REST: variants seen among roughly 807,000 people sequenced by gnomAD.
The protein encoded by REST is RE1-silencing transcription factor.
REST carries 1 observed loss-of-function variant against 30.4 expected under a neutral mutation model. The observed-to-expected ratio is 0.03, with a 90% CI of 0.01 to 0.16. REST has a LOEUF of 0.16. Ranked by LOEUF, REST falls within the 10% of genes least tolerant of loss-of-function variation. The pLI, the probability that REST is intolerant of heterozygous loss-of-function variation, is 1.00. For synonymous variants in REST, 504 were observed against 451.1 expected (o/e 1.12, Z -1.49); for missense variants, 1,259 against 1,329.5 (o/e 0.95, Z 0.82).
rs1339220449 is a variant in REST at position 56,934,712 on chromosome 4, C to T, written c.*2560C>T. On this transcript the variant is annotated 3_prime_UTR_variant, in exon 4 of 4. Coordinates refer to ENST00000309042, the MANE Select transcript of REST (RefSeq NM_005612.5). ...TGAAACTTTTTTATTTTCTAGTCCC[C>T]CTCCCCCACACTGGATAGAATTTAG... 2.0e-5 allele frequency: 3 copies of T among 151,976 alleles called. No individual in the cohort carries two copies. The highest frequency in any genetic ancestry group is 2.9e-5 in the Non-Finnish European group (2 of 67,964). 9.4% of individuals were successfully genotyped at this position (151,976 alleles called of 1,614,324 possible). A position where few individuals can be genotyped will look rare whatever the true frequency, so the allele number is the denominator to read the frequency against.
chr4:56,930,867 T>G lies in REST; in HGVS notation c.2009T>G (p.Val670Gly), dbSNP rs1264491491. 1 of 1,613,628 alleles carries G rather than the reference T, an allele frequency of 6.2e-7. No individual in the cohort carries two copies. The highest frequency in any genetic ancestry group is 8.5e-7 in the Non-Finnish European group (1 of 1,179,838). The change falls in exon 4 of 4, where the codon GTG becomes GGG. Residue 670 changes from valine (V) to glycine (G), a missense_variant. Transcript: ENST00000309042. ...GCTCAGAAGGAGCTGCTGCCTCCCGTGGAGCCTGCTCAGATGGTGGGTGCC... is the reference window on the plus strand; with the variant it reads ...GCTCAGAAGGAGCTGCTGCCTCCCGGGGAGCCTGCTCAGATGGTGGGTGCC... ...GPAQKELLPPVEPAQMVGAQI... is the reference protein window; with the variant it reads ...GPAQKELLPPGEPAQMVGAQI...
At chr4:56,908,245 A>T (rs1432893150) in intron 1 of REST, 32 bp downstream of exon 1, 28 of 133,136 alleles carry the variant, frequency 2.1e-4, no homozygotes, top group East Asian at 5.5e-4. Context: ...GGGCTCGGTC[A>T]GGGTGGGGGA....
intron 1 of REST, among the ~76,000 whole-genome samples, chr4:56,910,017 T>G (rs2109520965): frequency 6.6e-6 from 1 of 152,382 alleles, no homozygotes; most frequent in East Asian, 1.9e-4. Context: ...TTTTTTCTTT[T>G]AAGCCTGTGG....
rs1157219538 is a variant in REST at position 56,935,077 on chromosome 4, C to T, written c.*2925C>T. 6.7e-6 allele frequency: 1 copy of T among 150,116 alleles called. No individual in the cohort carries two copies. The highest frequency in any genetic ancestry group is 1.9e-4 in the East Asian group (1 of 5,164). The allele number at this position is 150,116 out of a possible 1,614,324, so 9.3% of individuals were successfully genotyped here. A position where few individuals can be genotyped will look rare whatever the true frequency, so the allele number is the denominator to read the frequency against. On this transcript the variant is annotated 3_prime_UTR_variant, in exon 4 of 4. Transcript: ENST00000309042. ...TTTTGCTCTAGTCTTCTAAGAAGGG[C>T]CATTTTATTTTTTAGAGTCACTTCT...
In REST at chr4:56,930,181, T is replaced by C. The variant is rs1199347441; in HGVS notation, c.1323T>C (p.Ile441=). ...KKREADLPDN[I]TNEKTEIEQT... ...GAGAGGCTGACTTGCCTGATAATAT[T>C]ACCAATGAAAAAACAGAAATAGAAC... Residue 441 remains isoleucine, a synonymous_variant, in exon 4 of 4, where the codon ATT becomes ATC. Coordinates refer to ENST00000309042, the MANE Select transcript of REST (RefSeq NM_005612.5). 7 of 1,609,360 alleles carry C rather than the reference T, an allele frequency of 4.3e-6. No homozygotes were observed. The highest frequency in any genetic ancestry group is 5.9e-6 in the Non-Finnish European group (7 of 1,179,022).
chr4:56,928,633 T>C (rs1372097232), intron 3 of REST, among the ~76,000 whole-genome samples: 1 of 151,106 alleles, frequency 6.6e-6, no homozygotes, highest in Non-Finnish European at 1.5e-5. Context: ...TCGCCCAGGC[T>C]GAAGTGAAGT....
intron 3 of REST, among the ~76,000 whole-genome samples, chr4:56,922,801 G>T (rs573432648): frequency 6.6e-6 from 1 of 152,094 alleles, no homozygotes; most frequent in Non-Finnish European, 1.5e-5. Flanking sequence ...CTTTTCTTCT[G>T]TCCTTTGTAT....
chr4:56,920,370 T>C (rs555747095), intron 3 of REST, among the ~76,000 whole-genome samples: 1 of 150,162 alleles, frequency 6.7e-6, no homozygotes, highest in South Asian at 2.1e-4. Context: ...ATAGACAATC[T>C]AGGATGCCAA....
rs939583284 is a variant in REST at position 56,932,972 on chromosome 4, G to C, written c.*820G>C. ...AGTTTTCTTTTTCTTTGCTGCAGTT[G>C]TCTATTTTGCAGAATAATAGTGTGT... On this transcript the variant is annotated 3_prime_UTR_variant, in exon 4 of 4. Coordinates refer to ENST00000309042, the MANE Select transcript of REST (RefSeq NM_005612.5). The C allele has an allele frequency of 4.6e-5, 7 of 152,054 alleles. No individual in the cohort carries two copies. The highest frequency in any genetic ancestry group is 1.7e-4 in the African/African-American group (7 of 41,398). 9.4% of individuals were successfully genotyped at this position (152,054 alleles called of 1,614,324 possible).
chr4:56,926,870 G>A lies in REST; in HGVS notation c.983-2971G>A, dbSNP rs1306756845. Among the ~76,000 whole-genome samples, 8 of 152,026 alleles carry A rather than the reference G, an allele frequency of 5.3e-5. No individual in the cohort carries two copies. The East Asian group carries it at 1.4e-3, about 26-fold the overall frequency. On this transcript the variant is annotated intron_variant, in intron 3 of 3. Coordinates refer to ENST00000309042, the MANE Select transcript of REST (RefSeq NM_005612.5). ...CCAGCACTTTGGGAGGCCGAGGAGGGTGGATCACCTGAGATCAGGAGTTCG... is the reference window on the plus strand; with the variant it reads ...CCAGCACTTTGGGAGGCCGAGGAGGATGGATCACCTGAGATCAGGAGTTCG...
chr4:56,931,471 T>C lies in REST; in HGVS notation c.2613T>C (p.Asn871=). ...CATCACCACCACTGCCAAAGGAAAATTTAAGAGAAGAGGCATCAGGAGACC... is the reference window on the plus strand; with the variant it reads ...CATCACCACCACTGCCAAAGGAAAACTTAAGAGAAGAGGCATCAGGAGACC... ...SPPSPPLPKE[N]LREEASGDQK... The change falls in exon 4 of 4, where the codon AAT becomes AAC. Residue 871 remains asparagine (N), a synonymous_variant. Transcript: ENST00000309042. 6.2e-7 allele frequency: 1 copy of C among 1,614,038 alleles called. No homozygotes were observed. Among genetic ancestry groups the C allele is most frequent in the Non-Finnish European group, 8.5e-7 (1 of 1,179,998 alleles).
intron 3 of REST, among the ~76,000 whole-genome samples, chr4:56,920,579 A>G (rs577704680): frequency 1.1e-4 from 16 of 152,044 alleles, no homozygotes; most frequent in Admixed American, 5.2e-4. Flanking sequence ...CCTGACCAAC[A>G]TGGAGAAATC....
At chr4:56,924,227 A>G (rs887501376) in intron 3 of REST, among the ~76,000 whole-genome samples, 9 of 152,202 alleles carry the variant, frequency 5.9e-5, no homozygotes, top group Non-Finnish European at 1.0e-4. Context: ...GGATTGTTTG[A>G]AAGATATTGT....
chr4:56,922,734 C>T (rs1044764688), intron 3 of REST, among the ~76,000 whole-genome samples: 1 of 152,066 alleles, frequency 6.6e-6, no homozygotes, highest in South Asian at 2.1e-4. Context: ...ACCTTTTTTC[C>T]TGTAGAATGT....
rs895320966 is a variant in REST, at chr4:56,926,112, T to A, written c.983-3729T>A. ...TCTCACCCTGTCGTCCAGGCTGGAG[T>A]GCAATGGCACGATTTCAGCTCACTG... On this transcript the variant is annotated intron_variant, in intron 3 of 3. Transcript: ENST00000309042. Among the ~76,000 whole-genome samples the A allele has an allele frequency of 3.3e-5, 5 of 152,210 alleles. No homozygotes were observed. In the East Asian group the frequency reaches 7.7e-4, roughly 24 times the overall value.
At chr4:56,918,977 C>T (rs1028548030) in intron 2 of REST, among the ~76,000 whole-genome samples, 9 of 151,278 alleles carry the variant, frequency 5.9e-5, no homozygotes, top group Admixed American at 5.3e-4. Context: ...ATGCTCAGCC[C>T]AGGCTATTTT....
At position 56,930,866 on chromosome 4, in the gene REST, G is replaced by T; in HGVS notation, c.2008G>T (p.Val670Leu). ...GPAQKELLPP[V>L]EPAQMVGAQI... is the part of the protein sequence containing the mutation. ...TGCTCAGAAGGAGCTGCTGCCTCCC[G>T]TGGAGCCTGCTCAGATGGTGGGTGC... The change falls in exon 4 of 4, where the codon GTG becomes TTG. Residue 670 changes from valine to leucine, a missense_variant. This residue lies in a region of REST where 856 missense variants were observed against 772.8 expected (regional missense o/e 1.11). Transcript: ENST00000309042. The T allele has an allele frequency of 1.2e-6, 2 of 1,613,540 alleles. No homozygotes were observed. Among genetic ancestry groups the T allele is most frequent in the Non-Finnish European group, 1.7e-6 (2 of 1,179,784 alleles).
chr4:56,929,764 C>G lies in REST; in HGVS notation c.983-77C>G, dbSNP rs143753013. 4,827 of 1,290,480 alleles carry G rather than the reference C, an allele frequency of 3.7e-3. 26 individuals carry two copies. Among genetic ancestry groups the G allele is most frequent in the Middle Eastern group, 0.028 (143 of 5,026 alleles). The allele number at this position is 1,290,480 out of a possible 1,614,324, so 79.9% of individuals were successfully genotyped here. ...TTAAATAGTCTTTGTTGTTACTTTA[C>G]ATATACAGTTCTTTATATTTTAATC... On this transcript the variant is annotated intron_variant, in intron 3 of 3. Coordinates refer to ENST00000309042, the MANE Select transcript of REST (RefSeq NM_005612.5).
rs1321453257 is a variant in REST, at chr4:56,908,086, C to T, written c.-137C>T. The T allele has an allele frequency of 7.1e-5, 24 of 336,626 alleles. No individual in the cohort carries two copies. The East Asian group carries it at 9.2e-4, about 13-fold the overall frequency. 20.9% of individuals were successfully genotyped at this position (336,626 alleles called of 1,614,324 possible). ...CCCACTCCTGGGCCTTCTTGGTCCA[C>T]GACGGCCCCAGCACCCAACTTTACC... On this transcript the variant is annotated 5_prime_UTR_variant, in exon 1 of 4. In the 5' UTR this introduces an upstream ATG that the reference lacks. Transcript: ENST00000309042.
Sources: allele counts gnomAD v4.1 joint callset (sites outside exome capture counted in the v4.1 genomes callset), GRCh38; gene constraint gnomAD v4.1.1; regional missense constraint gnomAD v4.1.1; transcripts MANE v1.5; gene names NCBI Gene and HGNC (gene_info 2026-07-23, HGNC 2026-07-21).